The following PIEZO2 variants were observed in gnomAD, a reference collection of about 807,000 sequenced individuals.
PIEZO2 encodes the protein piezo-type mechanosensitive ion channel component 2.
In PIEZO2, 172 loss-of-function variants were observed where a neutral mutation model predicts 337.3. The ratio of observed to expected loss-of-function variants is 0.51; its 90% CI spans 0.45 to 0.58. PIEZO2 has a LOEUF of 0.58. PIEZO2 is among the 20% of genes least tolerant of loss of function. The pLI is 0.00. For synonymous variants in PIEZO2, 1,251 were observed against 1,228.5 expected (o/e 1.02, Z -0.38); for missense variants, 3,028 against 3,391.3 (o/e 0.89, Z 2.66).
rs1385525422 is a variant in PIEZO2 at position 10,773,872 on chromosome 18, A to C, written c.2567+134T>G. On this transcript the variant is annotated intron_variant, in intron 19 of 55. Coordinates refer to ENST00000674853, the MANE Select transcript of PIEZO2 (RefSeq NM_001378183.1). The surrounding 1 kb of genome is among the most constrained non-coding windows in gnomAD (Gnocchi z 5.3). Reference sequence around the variant, plus strand: ...TTTTTTAATTCGGGTTCTAGTGATTAGTTGGTAATGAGAGCTATCAACACC... The same window carrying C: ...TTTTTTAATTCGGGTTCTAGTGATTCGTTGGTAATGAGAGCTATCAACACC... 1 of 626,428 alleles carries C rather than the reference A, an allele frequency of 1.6e-6. No individual in the cohort carries two copies. The allele number at this position is 626,428 out of a possible 1,614,324, so 38.8% of individuals were successfully genotyped here.
chr18:10,735,720 A>G (rs892826989), intron 34 of PIEZO2, among the ~76,000 whole-genome samples: 3 of 152,200 alleles, frequency 2.0e-5, no homozygotes, highest in Non-Finnish European at 4.4e-5. Context: ...GCATCAGACC[A>G]AGGTGTCTCT....
At position 11,035,255 on chromosome 18, in the gene PIEZO2, G is replaced by T. The variant is rs1255533917; in HGVS notation, c.160+30872C>A. On this transcript the variant is annotated intron_variant, in intron 2 of 55. Transcript: ENST00000674853. This position sits in a 1 kb window ranked among gnomAD's most constrained non-coding sequence, Gnocchi z 4.3. ...TCCCAGCAGTAATGAGAGAGTTCTT[G>T]CTCTGTTAGTTCACGGAGAGCTGGT... is the stretch of plus-strand genomic sequence containing the variant. Among the ~76,000 whole-genome samples, 1 of 152,038 alleles carries T rather than the reference G, an allele frequency of 6.6e-6. No individual in the cohort carries two copies. Among genetic ancestry groups the T allele is most frequent in the Non-Finnish European group, 1.5e-5 (1 of 68,014 alleles).
At chr18:10,689,231 T>A (rs2034689223) in intron 49 of PIEZO2, among the ~76,000 whole-genome samples, 1 of 152,144 alleles carries the variant, frequency 6.6e-6, no homozygotes, top group Non-Finnish European at 1.5e-5. Context: ...AAGCAGATAT[T>A]TGCACTTCAA....
At chr18:10,680,842 C>T (rs1258885773) in intron 51 of PIEZO2, among the ~76,000 whole-genome samples, 2 of 151,992 alleles carry the variant, frequency 1.3e-5, no homozygotes, top group Non-Finnish European at 2.9e-5. Flanking sequence ...CATCTCCTTC[C>T]TATTCACTCT....
chr18:11,079,904 G>A (rs978836114), intron 1 of PIEZO2, among the ~76,000 whole-genome samples: 2 of 152,178 alleles, frequency 1.3e-5, no homozygotes, highest in Admixed American at 1.3e-4. Flanking sequence ...CAGTGTGCCT[G>A]GGCATGGAAC....
chr18:10,864,147 C>T (rs1171094325), intron 5 of PIEZO2, among the ~76,000 whole-genome samples: 1 of 152,226 alleles, frequency 6.6e-6, no homozygotes, highest in Non-Finnish European at 1.5e-5. Context: ...ACAAAACTCA[C>T]ATCTTTGATA....
In PIEZO2 at chr18:10,830,710, G is replaced by A. The variant is rs7228798; in HGVS notation, c.918-23436C>T. 0.03 allele frequency among the ~76,000 whole-genome samples: 4,503 copies of A among 152,146 alleles called. 143 individuals are homozygous for A. Among genetic ancestry groups the A allele is most frequent in the African/African-American group, 0.084 (3,491 of 41,494 alleles). ...ACATCAGATTGAAACGCTTCTGAAC[G>A]GCAAAGGAAACAATTAGCAAAGTAA... On this transcript the variant is annotated intron_variant, in intron 7 of 55. Transcript: ENST00000674853. This position sits in a 1 kb window ranked among gnomAD's most constrained non-coding sequence, Gnocchi z 4.7.
At chr18:10,684,849 T>G (rs1179956917) in intron 49 of PIEZO2, among the ~76,000 whole-genome samples, 1 of 152,196 alleles carries the variant, frequency 6.6e-6, no homozygotes, top group African/African-American at 2.4e-5. Flanking sequence ...ACTCTTTCTT[T>G]TTTATTTTTT....
rs2039765816 is a variant in PIEZO2, at chr18:11,112,500, A to G, written c.64+36025T>C. Among the ~76,000 whole-genome samples, 1 of 152,184 alleles carries G rather than the reference A, an allele frequency of 6.6e-6. No homozygotes were observed. Among genetic ancestry groups the G allele is most frequent in the South Asian group, 2.1e-4 (1 of 4,830 alleles). ...GGAACTACTGAGAGTCAAGTCTCCA[A>G]ATTTTACACTGACTGATGAGTCTTC... On this transcript the variant is annotated intron_variant, in intron 1 of 55. Coordinates refer to ENST00000674853, the MANE Select transcript of PIEZO2 (RefSeq NM_001378183.1). This position sits in a 1 kb window ranked among gnomAD's most constrained non-coding sequence, Gnocchi z 4.3.
intron 2 of PIEZO2, among the ~76,000 whole-genome samples, chr18:11,055,747 G>A (rs117628003): frequency 0.01 from 1,542 of 152,278 alleles, 15 homozygotes; most frequent in South Asian, 0.016. Flanking sequence ...CAAAACAAGT[G>A]ACACCCAGGC....
intron 31 of PIEZO2, among the ~76,000 whole-genome samples, chr18:10,742,887 A>G (rs1221649410): frequency 6.6e-6 from 1 of 151,902 alleles, no homozygotes; most frequent in Non-Finnish European, 1.5e-5. Context: ...ATCAATAATG[A>G]TTATGCTAAA....
rs1036045653 is a variant in PIEZO2, at chr18:11,033,333, G to T, written c.160+32794C>A. ...ACTAGACCACCAGGACTTAGGGCAG[G>T]ACTCCAGCCAGAGTGCAAGATCTCA... On this transcript the variant is annotated intron_variant, in intron 2 of 55. Coordinates refer to ENST00000674853, the MANE Select transcript of PIEZO2 (RefSeq NM_001378183.1). This position sits in a 1 kb window ranked among gnomAD's most constrained non-coding sequence, Gnocchi z 4.2. 1.3e-5 allele frequency among the ~76,000 whole-genome samples: 2 copies of T among 152,200 alleles called. No individual in the cohort carries two copies. The highest frequency in any genetic ancestry group is 4.8e-5 in the African/African-American group (2 of 41,464).
At chr18:10,751,260 C>A (rs939147874) in intron 28 of PIEZO2, among the ~76,000 whole-genome samples, 1 of 152,166 alleles carries the variant, frequency 6.6e-6, no homozygotes, top group Admixed American at 6.5e-5. Flanking sequence ...AACAGGTCTA[C>A]AGTACAGGTT....
chr18:10,896,448 T>C (rs1253420931), intron 4 of PIEZO2, among the ~76,000 whole-genome samples: 4 of 152,188 alleles, frequency 2.6e-5, no homozygotes, highest in African/African-American at 7.2e-5. Context: ...CAGTCCAATA[T>C]GGAATTCGAT....
In PIEZO2 at chr18:11,024,558, A is replaced by G. The variant is rs1437441096; in HGVS notation, c.160+41569T>C. ...GAGACTCTGTCTCAGAAAAAAAAAAAAAAAAGAAAAAAGAAAGTAAAAAGG... is the reference window on the plus strand; with the variant it reads ...GAGACTCTGTCTCAGAAAAAAAAAAGAAAAAGAAAAAAGAAAGTAAAAAGG... On this transcript the variant is annotated intron_variant, in intron 2 of 55. Transcript: ENST00000674853. Among the ~76,000 whole-genome samples, 3 of 151,698 alleles carry G rather than the reference A, an allele frequency of 2.0e-5. 1 individual carries two copies. Among genetic ancestry groups the G allele is most frequent in the Non-Finnish European group, 2.9e-5 (2 of 67,888 alleles).
chr18:11,037,165 C>T (rs1464808499), intron 2 of PIEZO2, among the ~76,000 whole-genome samples: 1 of 152,254 alleles, frequency 6.6e-6, no homozygotes, highest in East Asian at 1.9e-4. Context: ...CGGGGTTTCA[C>T]CATGTCGGCC....
At chr18:10,749,486 A>AAAC (rs1390560672) in intron 29 of PIEZO2, among the ~76,000 whole-genome samples, 1 of 129,036 alleles carries the variant, frequency 7.7e-6, no homozygotes, top group Non-Finnish European at 1.6e-5. Context: ...ATAGATAAAT[A>AAAC]AATAATAATA....
intron 3 of PIEZO2, among the ~76,000 whole-genome samples, chr18:10,933,724 C>T (rs1880853449): frequency 1.3e-5 from 2 of 152,188 alleles, no homozygotes; most frequent in African/African-American, 2.4e-5. Flanking sequence ...TATGTCCCCA[C>T]CCAAATCTCA....
chr18:10,758,144 C>T lies in PIEZO2; in HGVS notation c.3758-10G>A. ...AGCAGCATGAAGTCATCTAACAAGA[C>T]AGAGGTGAGATCATTAAGCCGCCTC... On this transcript the variant is annotated splice_polypyrimidine_tract_variant and intron_variant, in intron 26 of 55. Coordinates refer to ENST00000674853, the MANE Select transcript of PIEZO2 (RefSeq NM_001378183.1). The T allele has an allele frequency of 2.6e-6, 4 of 1,536,626 alleles. No homozygotes were observed.
Sources: gnomAD v4.1 joint callset for allele counts (sites outside exome capture counted in the v4.1 genomes callset) on GRCh38, gnomAD v4.1.1 for gene constraint, Gnocchi (gnomAD v3.1) non-coding constraint, MANE v1.5 for transcripts, NCBI Gene and HGNC (gene_info 2026-07-23, HGNC 2026-07-21) for gene names.